SPATA17: variants seen among roughly 807,000 people sequenced by gnomAD.
SPATA17 encodes spermatogenesis associated 17, also known as spermatogenesis-associated protein 17.
In SPATA17, 53 loss-of-function variants were observed where a neutral mutation model predicts 62.2. That is an observed-to-expected ratio of 0.85 (90% CI 0.68 to 1.07). The LOEUF is 1.07. Ranked by LOEUF, SPATA17 falls within the 50% of genes least tolerant of loss-of-function variation. SPATA17 has a pLI of 0.00. For missense variants in SPATA17, 466 were observed against 425.5 expected (o/e 1.10, Z -0.84); for synonymous variants, 146 against 146.8 (o/e 0.99, Z 0.04).
intron 9 of SPATA17, 88 bp downstream of exon 9, chr1:217,801,938 C>T (rs1674324084): frequency 1.0e-5 from 13 of 1,288,270 alleles, no homozygotes. Flanking sequence ...ATTCTTATTA[C>T]AATTAAGACC....
At chr1:217,683,697 C>G (rs961541367) in intron 5 of SPATA17, among the ~76,000 whole-genome samples, 2 of 152,118 alleles carry the variant, frequency 1.3e-5, no homozygotes, top group Non-Finnish European at 2.9e-5. Flanking sequence ...GCCTCGGCCT[C>G]CCAAAGTGCT....
At chr1:217,722,693 C>T (rs1424796582) in intron 5 of SPATA17, among the ~76,000 whole-genome samples, 1 of 152,134 alleles carries the variant, frequency 6.6e-6, no homozygotes, top group African/African-American at 2.4e-5. Flanking sequence ...GACTCTGGAA[C>T]TTATTTAGCC....
At chr1:217,747,840 G>GA (rs541455621) in intron 6 of SPATA17, among the ~76,000 whole-genome samples, 11 of 151,960 alleles carry the variant, frequency 7.2e-5, no homozygotes, top group Non-Finnish European at 1.2e-4. Flanking sequence ...AAATACTACT[G>GA]AAAAAACTAT....
chr1:217,743,421 G>A (rs1237302433), intron 6 of SPATA17, among the ~76,000 whole-genome samples: 1 of 151,742 alleles, frequency 6.6e-6, no homozygotes, highest in Non-Finnish European at 1.5e-5. Context: ...ATTAAACTGA[G>A]TACTATTAAT....
At chr1:217,718,544 G>A (rs954200916) in intron 5 of SPATA17, among the ~76,000 whole-genome samples, 10 of 152,084 alleles carry the variant, frequency 6.6e-5, no homozygotes, top group Non-Finnish European at 7.4e-5. Context: ...GGAACCTGAC[G>A]GAAACATTTG....
intron 1 of SPATA17, among the ~76,000 whole-genome samples, chr1:217,631,949 G>A (rs905260349): frequency 6.6e-6 from 1 of 152,130 alleles, no homozygotes; most frequent in African/African-American, 2.4e-5. Flanking sequence ...TTGGGAGGCC[G>A]AGGGGGGCGA....
At chr1:217,730,901 A>C (rs913258862) in intron 5 of SPATA17, among the ~76,000 whole-genome samples, 1 of 152,176 alleles carries the variant, frequency 6.6e-6, no homozygotes, top group Non-Finnish European at 1.5e-5. Flanking sequence ...TAAACTTTTT[A>C]GTCACATTTT....
chr1:217,657,061 T>G (rs1469026730), intron 3 of SPATA17, among the ~76,000 whole-genome samples: 1 of 152,140 alleles, frequency 6.6e-6, no homozygotes, highest in Admixed American at 6.5e-5. Flanking sequence ...AGATGTCCAT[T>G]GTCTAAGATG....
rs34811486 is a variant in SPATA17 at position 217,745,554 on chromosome 1, T to A, written c.519+3456T>A. 4.7e-3 allele frequency among the ~76,000 whole-genome samples: 717 copies of A among 152,270 alleles called. 1 individual carries two copies. The highest frequency in any genetic ancestry group is 8.3e-3 in the Non-Finnish European group (561 of 67,988). ...TTTAAAACATGCTACAAGTCAGAAC[T>A]ATTAATACAAACTGTCTCCATCTAA... On this transcript the variant is annotated intron_variant, in intron 6 of 10. Coordinates refer to ENST00000366933, the MANE Select transcript of SPATA17 (RefSeq NM_138796.4).
At chr1:217,833,967 T>C (rs1046674103) in intron 9 of SPATA17, among the ~76,000 whole-genome samples, 9 of 152,164 alleles carry the variant, frequency 5.9e-5, no homozygotes, top group African/African-American at 2.2e-4. Context: ...TAGTGTCAAA[T>C]GGAATTAGAA....
intron 6 of SPATA17, among the ~76,000 whole-genome samples, chr1:217,749,018 A>G (rs565197590): frequency 1.3e-5 from 2 of 152,188 alleles, no homozygotes; most frequent in South Asian, 4.2e-4. Context: ...AGGCTATACC[A>G]TTGCCTAATG....
intron 5 of SPATA17, among the ~76,000 whole-genome samples, chr1:217,686,198 TA>T (rs1671211208): frequency 6.6e-6 from 1 of 152,124 alleles, no homozygotes; most frequent in Non-Finnish European, 1.5e-5. Context: ...GATTTTTTGA[TA>T]TGGGGATTAC....
intron 6 of SPATA17, among the ~76,000 whole-genome samples, chr1:217,754,794 C>G (rs760006253): frequency 9.2e-5 from 14 of 152,214 alleles, no homozygotes; most frequent in Non-Finnish European, 2.1e-4. Context: ...TGATCTTTCT[C>G]TTTATTACCC....
chr1:217,680,873 C>A (rs928191224), intron 4 of SPATA17, among the ~76,000 whole-genome samples: 1 of 142,392 alleles, frequency 7.0e-6, no homozygotes, highest in Non-Finnish European at 1.5e-5. Flanking sequence ...TGCAGTGGGC[C>A]GAGATCATGC....
At chr1:217,633,547 A>T (rs985575132) in intron 1 of SPATA17, among the ~76,000 whole-genome samples, 1 of 152,200 alleles carries the variant, frequency 6.6e-6, no homozygotes, top group African/African-American at 2.4e-5. Context: ...ATTATGAATT[A>T]TCAGAGCCAA....
intron 7 of SPATA17, 23 bp downstream of exon 7, chr1:217,774,560 T>G: frequency 6.3e-7 from 1 of 1,598,494 alleles, no homozygotes; most frequent in Non-Finnish European, 8.6e-7. Flanking sequence ...TGTATAAGAA[T>G]TCTGTCATTA....
At chr1:217,705,467 A>G (rs760574295) in intron 5 of SPATA17, among the ~76,000 whole-genome samples, 7 of 91,226 alleles carry the variant, frequency 7.7e-5, no homozygotes, top group South Asian at 4.0e-4. Context: ...TTGGAGATGG[A>G]GTCTCGCTCC....
At chr1:217,652,658 G>T (rs902798216) in intron 3 of SPATA17, among the ~76,000 whole-genome samples, 1 of 152,180 alleles carries the variant, frequency 6.6e-6, no homozygotes, top group Non-Finnish European at 1.5e-5. Flanking sequence ...ATTTTGGAAA[G>T]GAAAAATTGG....
chr1:217,683,410 CT>C, intron 5 of SPATA17, 49 bp downstream of exon 5: 1 of 1,185,898 alleles, frequency 8.4e-7, no homozygotes, highest in Non-Finnish European at 1.3e-6. Flanking sequence ...GGAAAGATTA[CT>C]CAATAGATGT....
Sources: gnomAD v4.1 joint callset for allele counts (sites outside exome capture counted in the v4.1 genomes callset) on GRCh38, gnomAD v4.1.1 for gene constraint, MANE v1.5 for transcripts, NCBI Gene and HGNC (gene_info 2026-07-23, HGNC 2026-07-21) for gene names.